RHEX: variants seen among roughly 807,000 people sequenced by gnomAD.
The protein encoded by RHEX is regulator of hemoglobinization and erythroid cell expansion, also known as regulator of hemoglobinization and erythroid cell expansion protein.
In RHEX, 18 loss-of-function variants were observed where a neutral mutation model predicts 20.1. That is an observed-to-expected ratio of 0.90 (90% CI 0.62 to 1.33). The LOEUF (loss-of-function observed/expected upper bound fraction) is 1.33, where lower values mean the gene tolerates loss of function less well. RHEX is among the 40% of genes most tolerant of loss of function. The probability of loss-of-function intolerance (pLI) is 0.00; values close to 1 mark genes in which losing one functional copy is unlikely to be tolerated. For synonymous variants in RHEX, 87 were observed against 77.1 expected, an observed-to-expected ratio of 1.13 and a Z score of -0.67; for missense variants, 192 against 214.3, an observed-to-expected ratio of 0.90 and a Z score of 0.65.
intron 1 of RHEX, among the ~76,000 whole-genome samples, chr1:206,088,391 A>G (rs1662879142): frequency 1.3e-5 from 2 of 152,320 alleles, no homozygotes; most frequent in Middle Eastern, 3.4e-3. Context: ...ATTGTTAATG[A>G]AATATTCTGG....
intron 1 of RHEX, among the ~76,000 whole-genome samples, chr1:206,079,310 A>G (rs373885828): frequency 2.0e-5 from 3 of 152,224 alleles, no homozygotes; most frequent in African/African-American, 7.2e-5. Flanking sequence ...AAATGCTGCT[A>G]GTGGTGTAGT....
chr1:206,095,484 A>G (rs1663045011), intron 1 of RHEX, among the ~76,000 whole-genome samples: 1 of 152,332 alleles, frequency 6.6e-6, no homozygotes, highest in East Asian at 1.9e-4. Context: ...ATCCATGAAA[A>G]TATTTAGAAA....
chr1:206,075,709 T>C (rs1662623686), intron 1 of RHEX, among the ~76,000 whole-genome samples: 1 of 151,858 alleles, frequency 6.6e-6, no homozygotes. Context: ...CAAGCGATTC[T>C]CCTGCCTCAG....
In RHEX at chr1:206,102,302, C is replaced by A. The variant is rs1376600170; in HGVS notation, c.*350C>A. 1 of 237,210 alleles carries A rather than the reference C, an allele frequency of 4.2e-6. No homozygotes were observed. The highest frequency in any genetic ancestry group is 5.0e-5 in the Admixed American group (1 of 19,976). 14.7% of individuals were successfully genotyped at this position (237,210 alleles called of 1,614,324 possible). ...CAGCAGAGATAGTAGTGAAGTCTCT[C>A]CCCAGGGAAAATTTTAAAAAGGTTG... is the stretch of plus-strand genomic sequence containing the variant. On this transcript the variant is annotated 3_prime_UTR_variant, in exon 6 of 6. Transcript: ENST00000331555.
At chr1:206,070,649 T>A (rs1553284543) in intron 1 of RHEX, among the ~76,000 whole-genome samples, 1 of 152,188 alleles carries the variant, frequency 6.6e-6, no homozygotes, top group South Asian at 2.1e-4. Flanking sequence ...GAGGAATATT[T>A]TATCACTGAA....
At chr1:206,056,168 A>G (rs1662191641) in intron 1 of RHEX, among the ~76,000 whole-genome samples, 1 of 152,166 alleles carries the variant, frequency 6.6e-6, no homozygotes, top group Non-Finnish European at 1.5e-5. Context: ...GTGTAGAGGT[A>G]TTGGACTCAG....
chr1:206,099,154 G>A lies in RHEX; in HGVS notation c.113-501G>A, dbSNP rs146360560. 1.9e-4 allele frequency among the ~76,000 whole-genome samples: 29 copies of A among 152,260 alleles called. No homozygotes were observed. In the East Asian group the frequency reaches 5.6e-3, roughly 29 times the overall value. Reference sequence around the variant, plus strand: ...AGAGAGGAAGGAGGAGTGAGGCCTCGGAGGCTGGGACTTGGCTTTTTCCAA... The same window carrying A: ...AGAGAGGAAGGAGGAGTGAGGCCTCAGAGGCTGGGACTTGGCTTTTTCCAA... On this transcript the variant is annotated intron_variant, in intron 3 of 5. Coordinates refer to ENST00000331555, the MANE Select transcript of RHEX (RefSeq NM_001007544.4).
At chr1:206,055,374 C>T (rs745874481) in intron 1 of RHEX, among the ~76,000 whole-genome samples, 7 of 152,242 alleles carry the variant, frequency 4.6e-5, no homozygotes, top group Non-Finnish European at 1.0e-4. Flanking sequence ...ATGGTATTGT[C>T]GTGGACCTTT....
intron 1 of RHEX, among the ~76,000 whole-genome samples, chr1:206,084,595 T>C (rs1255699475): frequency 3.3e-5 from 5 of 152,178 alleles, no homozygotes; most frequent in Non-Finnish European, 7.4e-5. Context: ...CTGGGAAGCA[T>C]GTATCAGGTA....
At chr1:206,078,889 A>C (rs1193197782) in intron 1 of RHEX, among the ~76,000 whole-genome samples, 1 of 152,236 alleles carries the variant, frequency 6.6e-6, no homozygotes, top group Non-Finnish European at 1.5e-5. Context: ...AAGCCATGAC[A>C]TGTTGACTGT....
At chr1:206,092,070 C>T (rs1203972893) in intron 1 of RHEX, among the ~76,000 whole-genome samples, 4 of 151,442 alleles carry the variant, frequency 2.6e-5, no homozygotes, top group South Asian at 2.1e-4. Flanking sequence ...CTCTTTCTCT[C>T]TCTTTCTTTC....
intron 1 of RHEX, among the ~76,000 whole-genome samples, chr1:206,080,899 C>T (rs75037853): frequency 0.015 from 2,221 of 152,232 alleles, 52 homozygotes; most frequent in African/African-American, 0.051. Flanking sequence ...GCCTCTGGCG[C>T]TCAAACGATT....
chr1:206,053,798 A>C (rs1325078825), intron 1 of RHEX, among the ~76,000 whole-genome samples: 20 of 152,224 alleles, frequency 1.3e-4, no homozygotes, highest in African/African-American at 2.9e-4. Context: ...CATACATAGA[A>C]AGTTACAGCT....
Position 206,064,176 on chromosome 1 carries a change from T to G in RHEX, c.-97+10911T>G, listed in dbSNP as rs1336702161. ...CCCGGCAGCCGCCCCGTCTGAGAAG[T>G]TAGGAGCCTCTCCGCCCGGCAGCCG... On this transcript the variant is annotated intron_variant, in intron 1 of 5. Transcript: ENST00000331555. 8.1e-4 allele frequency among the ~76,000 whole-genome samples: 111 copies of G among 136,632 alleles called. 3 individuals carry two copies. Among genetic ancestry groups the G allele is most frequent in the African/African-American group, 2.9e-3 (101 of 34,552 alleles). The allele number at this position is 136,632 out of a possible 152,430, so 89.6% of individuals were successfully genotyped here. A position where few individuals can be genotyped will look rare whatever the true frequency, so the allele number is the denominator to read the frequency against.
chr1:206,056,078 C>T, intron 1 of RHEX, among the ~76,000 whole-genome samples: 1 of 152,254 alleles, frequency 6.6e-6, no homozygotes, highest in East Asian at 1.9e-4. Context: ...TGTGAACATC[C>T]CCGCATAACC....
intron 1 of RHEX, among the ~76,000 whole-genome samples, chr1:206,078,649 T>C (rs971703370): frequency 5.9e-5 from 9 of 152,354 alleles, no homozygotes; most frequent in East Asian, 1.9e-4. Flanking sequence ...TATGAGTTCA[T>C]TGAATCTTAA....
chr1:206,066,119 C>T (rs1352343388), intron 1 of RHEX, among the ~76,000 whole-genome samples: 1 of 152,208 alleles, frequency 6.6e-6, no homozygotes, highest in African/African-American at 2.4e-5. Context: ...GCAGTGTTTC[C>T]CAGCATATTC....
chr1:206,055,937 A>C (rs1662187091), intron 1 of RHEX, among the ~76,000 whole-genome samples: 1 of 152,280 alleles, frequency 6.6e-6, no homozygotes, highest in African/African-American at 2.4e-5. Flanking sequence ...CTGTTAGCAC[A>C]AGAAGCAGAT....
At chr1:206,069,610 G>C (rs1207426525) in intron 1 of RHEX, among the ~76,000 whole-genome samples, 1 of 152,200 alleles carries the variant, frequency 6.6e-6, no homozygotes, top group Non-Finnish European at 1.5e-5. Context: ...GGCCTGGGCT[G>C]CTGGTCACCC....
Sources: allele counts gnomAD v4.1 joint callset (sites outside exome capture counted in the v4.1 genomes callset), GRCh38; gene constraint gnomAD v4.1.1; transcripts MANE v1.5; gene names NCBI Gene and HGNC (gene_info 2026-07-23, HGNC 2026-07-21).